The following SYT9 variants were observed in gnomAD, a reference collection of about 807,000 sequenced individuals.
The protein encoded by SYT9 is synaptotagmin-9.
In SYT9, 22 loss-of-function variants were observed where a neutral mutation model predicts 48.4. The observed-to-expected ratio is 0.45, with a 90% CI of 0.32 to 0.65. SYT9 has a LOEUF of 0.65. Among genes scored for constraint, SYT9 ranks in the 30% least tolerant of loss-of-function variants. SYT9 has a pLI of 0.03. For synonymous variants in SYT9, 265 were observed against 245.0 expected, an observed-to-expected ratio of 1.08 and a Z score of -0.76; for missense variants, 577 against 622.0, an observed-to-expected ratio of 0.93 and a Z score of 0.77.
intron 1 of SYT9, among the ~76,000 whole-genome samples, chr11:7,258,796 C>T (rs948899372): frequency 1.3e-5 from 2 of 152,036 alleles, no homozygotes; most frequent in Admixed American, 6.6e-5. Context: ...CCCATGTTTC[C>T]TTTCAGCCGT....
chr11:7,245,019 G>A (rs1480501876), intron 1 of SYT9, among the ~76,000 whole-genome samples: 1 of 152,214 alleles, frequency 6.6e-6, no homozygotes, highest in African/African-American at 2.4e-5. Context: ...CAGATAAGAT[G>A]ATGAGAGAAC....
At chr11:7,257,709 A>G (rs1047734370) in intron 1 of SYT9, among the ~76,000 whole-genome samples, 1 of 152,180 alleles carries the variant, frequency 6.6e-6, no homozygotes, top group Non-Finnish European at 1.5e-5. Context: ...GCAATCAGGA[A>G]AAAGAGTCTT....
rs758758067 is a variant in SYT9 at position 7,313,576 on chromosome 11, A to G, written c.679A>G (p.Ile227Val). The change falls in exon 3 of 7, where the codon ATT becomes GTT. Residue 227 changes from isoleucine (I) to valine (V), a missense_variant. Ile to Val is a conservative substitution (Grantham distance 29). Transcript: ENST00000318881. ...NSKACGKLNF[I>V]LKYDCDLEQL... ...CAAGGCTTGTGGGAAACTGAACTTC[A>G]TTTTAAAATATGACTGTGACTTAGA... The G allele has an allele frequency of 1.2e-6, 2 of 1,614,152 alleles. No individual in the cohort carries two copies. The highest frequency in any genetic ancestry group is 1.1e-5 in the South Asian group (1 of 91,074).
intron 3 of SYT9, among the ~76,000 whole-genome samples, chr11:7,413,880 G>A (rs940231073): frequency 3.3e-5 from 5 of 151,886 alleles, no homozygotes; most frequent in African/African-American, 7.3e-5. Flanking sequence ...TTGTAGGCAC[G>A]AGCCACTGCA....
chr11:7,263,271 T>C (rs939302216), intron 1 of SYT9, among the ~76,000 whole-genome samples: 1 of 152,134 alleles, frequency 6.6e-6, no homozygotes, highest in East Asian at 1.9e-4. Context: ...AGATGCTGTG[T>C]CAGGTGAGGG....
chr11:7,259,767 A>G (rs1449572034), intron 1 of SYT9, among the ~76,000 whole-genome samples: 3 of 152,062 alleles, frequency 2.0e-5, no homozygotes, highest in Non-Finnish European at 4.4e-5. Context: ...ATTTCCATTA[A>G]TTAGAATGTA....
intron 3 of SYT9, among the ~76,000 whole-genome samples, chr11:7,354,635 T>G (rs1212588383): frequency 4.6e-5 from 7 of 152,118 alleles, no homozygotes; most frequent in Admixed American, 4.6e-4. Flanking sequence ...GGTTCTACTT[T>G]CCCATGCTGT....
chr11:7,344,929 T>TACACACAC (rs60652691), intron 3 of SYT9, among the ~76,000 whole-genome samples: 6,892 of 148,952 alleles, frequency 0.046, 280 homozygotes, highest in South Asian at 0.14. Context: ...CTCATTATTT[T>TACACACAC]ACACACACAC....
chr11:7,256,628 A>T lies in SYT9; in HGVS notation c.145+4297A>T, dbSNP rs375615851. On this transcript the variant is annotated intron_variant, in intron 1 of 6. Coordinates refer to ENST00000318881, the MANE Select transcript of SYT9 (RefSeq NM_175733.4). ...TTTCATAAGAGCCACCCTTAGACCT[A>T]CTTTCTCTCTTCTGTACTTGTATGA... 1.2e-4 allele frequency among the ~76,000 whole-genome samples: 19 copies of T among 152,294 alleles called. No individual in the cohort carries two copies. The East Asian group carries it at 3.5e-3, about 28-fold the overall frequency.
intron 3 of SYT9, among the ~76,000 whole-genome samples, chr11:7,358,225 A>G (rs1850060964): frequency 6.6e-6 from 1 of 152,164 alleles, no homozygotes; most frequent in Non-Finnish European, 1.5e-5. Context: ...AGATTTATTT[A>G]TCAGTACAAT....
At position 7,313,896 on chromosome 11, in the gene SYT9, C is replaced by T. The variant is rs746981929; in HGVS notation, c.999C>T (p.Phe333=). ...ATCACTTCCTAGACTTGGCTGATTT[C>T]CCCAGGGAGTGCATCCTTTGGAAGG... The part of the protein sequence containing the change: ...VVDHFLDLAD[F]PRECILWKDI... Residue 333 remains phenylalanine (F), a synonymous_variant, in exon 3 of 7, where the codon TTC becomes TTT. Transcript: ENST00000318881. 2 of 1,613,894 alleles carry T rather than the reference C, an allele frequency of 1.2e-6. No homozygotes were observed. Among genetic ancestry groups the T allele is most frequent in the East Asian group, 4.5e-5 (2 of 44,886 alleles).
chr11:7,420,687 G>T (rs1847337460), intron 6 of SYT9, 52 bp downstream of exon 6: 4 of 1,603,300 alleles, frequency 2.5e-6, no homozygotes, highest in African/African-American at 1.3e-5. Flanking sequence ...ATGCTTTACT[G>T]TTGAAATGCA....
chr11:7,274,694 G>T (rs1848355731), intron 1 of SYT9, among the ~76,000 whole-genome samples: 2 of 152,118 alleles, frequency 1.3e-5, no homozygotes, highest in Admixed American at 6.6e-5. Flanking sequence ...TCATCACTAT[G>T]CAGGTCTTCC....
At chr11:7,364,366 ATAG>A (rs1395711939) in intron 3 of SYT9, among the ~76,000 whole-genome samples, 3 of 152,242 alleles carry the variant, frequency 2.0e-5, no homozygotes, top group Non-Finnish European at 2.9e-5. Context: ...TTAAGAAGAA[ATAG>A]TAGGCCTGGT....
At chr11:7,455,200 A>G (rs1416051944) in intron 6 of SYT9, among the ~76,000 whole-genome samples, 1 of 35,660 alleles carries the variant, frequency 2.8e-5, no homozygotes, top group Non-Finnish European at 6.6e-5. Flanking sequence ...TGTCTCTTTC[A>G]CTGAGAAAAA....
intron 2 of SYT9, among the ~76,000 whole-genome samples, chr11:7,304,680 C>A (rs1849001626): frequency 6.6e-6 from 1 of 152,106 alleles, no homozygotes; most frequent in South Asian, 2.1e-4. Context: ...TAAAATATGC[C>A]TCTGTGAGGA....
intron 3 of SYT9, among the ~76,000 whole-genome samples, chr11:7,347,398 AT>A (rs753963811): frequency 1.3e-5 from 2 of 151,672 alleles, no homozygotes; most frequent in Non-Finnish European, 2.9e-5. Flanking sequence ...TACCCGGCTA[AT>A]TTTTTTTGTA....
intron 3 of SYT9, among the ~76,000 whole-genome samples, chr11:7,399,434 C>T (rs1185275685): frequency 2.0e-5 from 3 of 152,170 alleles, no homozygotes; most frequent in Non-Finnish European, 4.4e-5. Flanking sequence ...AAAGATCTAT[C>T]ATGATTCAAT....
chr11:7,451,924 C>T (rs1034864214), intron 6 of SYT9, among the ~76,000 whole-genome samples: 2 of 152,136 alleles, frequency 1.3e-5, no homozygotes, highest in Non-Finnish European at 2.9e-5. Flanking sequence ...TCATGACCGA[C>T]AACAACAAAT....
Sources: allele counts gnomAD v4.1 joint callset (sites outside exome capture counted in the v4.1 genomes callset), GRCh38; gene constraint gnomAD v4.1.1; transcripts MANE v1.5; gene names NCBI Gene and HGNC (gene_info 2026-07-23, HGNC 2026-07-21).